OXR1: variants seen among roughly 807,000 people sequenced by gnomAD.
The protein encoded by OXR1 is oxidation resistance protein 1.
In OXR1, 41 loss-of-function variants were observed where a neutral mutation model predicts 104.6. The observed-to-expected ratio is 0.39, with a 90% CI of 0.31 to 0.51. The LOEUF (loss-of-function observed/expected upper bound fraction) is 0.51. Ranked by LOEUF, OXR1 falls within the 20% of genes least tolerant of loss-of-function variation. The pLI is 0.77. For synonymous variants in OXR1, 348 were observed against 348.4 expected (o/e 1.00, Z 0.01); for missense variants, 955 against 1,031.9 (o/e 0.93, Z 1.02).
intron 1 of OXR1, among the ~76,000 whole-genome samples, chr8:106,285,631 A>T (rs1446520033): frequency 1.3e-5 from 2 of 151,932 alleles, no homozygotes; most frequent in Non-Finnish European, 2.9e-5. Context: ...CCAGGTACTT[A>T]TTATCTAGTA....
At chr8:106,664,013 A>C (rs529807817) in intron 3 of OXR1, among the ~76,000 whole-genome samples, 3 of 152,362 alleles carry the variant, frequency 2.0e-5, no homozygotes, top group African/African-American at 7.2e-5. Context: ...CCCCAGTTTT[A>C]GTCTCTTTTC....
intron 11 of OXR1, among the ~76,000 whole-genome samples, chr8:106,736,150 C>A (rs1834346532): frequency 7.4e-6 from 1 of 134,764 alleles, no homozygotes; most frequent in Non-Finnish European, 1.5e-5. Flanking sequence ...AATGGGGAAC[C>A]CAGGTTTATC....
chr8:106,630,329 G>T (rs1302518624), intron 3 of OXR1, among the ~76,000 whole-genome samples: 1 of 152,226 alleles, frequency 6.6e-6, no homozygotes, highest in Non-Finnish European at 1.5e-5. Flanking sequence ...TCTCTGAACA[G>T]AGAAGGATTC....
intron 1 of OXR1, among the ~76,000 whole-genome samples, chr8:106,340,224 A>G (rs555455768): frequency 6.6e-6 from 1 of 151,628 alleles, no homozygotes; most frequent in South Asian, 2.1e-4. Context: ...GGAAAAGAAA[A>G]AAAAAAAAAA....
intron 2 of OXR1, among the ~76,000 whole-genome samples, chr8:106,382,681 G>GGT (rs1817197537): frequency 8.6e-6 from 1 of 116,132 alleles, no homozygotes; most frequent in South Asian, 2.8e-4. Context: ...GAGAACTATA[G>GGT]GTTTTTTTTT....
intron 3 of OXR1, among the ~76,000 whole-genome samples, chr8:106,560,955 C>T (rs1190350889): frequency 6.6e-6 from 1 of 152,122 alleles, no homozygotes; most frequent in Admixed American, 6.5e-5. Context: ...GGGACTGTGC[C>T]GTGAGGAACG....
At chr8:106,615,494 G>A (rs185392480) in intron 3 of OXR1, among the ~76,000 whole-genome samples, 2 of 151,486 alleles carry the variant, frequency 1.3e-5, no homozygotes. Flanking sequence ...CACAGCTCCA[G>A]TAAGTCCGGA....
chr8:106,678,008 G>A (rs571635916), intron 3 of OXR1, among the ~76,000 whole-genome samples: 25 of 152,204 alleles, frequency 1.6e-4, no homozygotes, highest in Admixed American at 1.4e-3. Context: ...TTACAATTTA[G>A]TGGAAGGGAT....
chr8:106,345,206 A>G (rs1351333242), intron 1 of OXR1, among the ~76,000 whole-genome samples: 1 of 152,350 alleles, frequency 6.6e-6, no homozygotes, highest in East Asian at 1.9e-4. Flanking sequence ...AATGAATGAC[A>G]TAAGAACACA....
At chr8:106,620,773 A>G (rs1425669020) in intron 3 of OXR1, among the ~76,000 whole-genome samples, 1 of 152,252 alleles carries the variant, frequency 6.6e-6, no homozygotes, top group Non-Finnish European at 1.5e-5. Context: ...AGGAAATAAT[A>G]CAAATAATTT....
chr8:106,537,464 C>G (rs1045540255), intron 3 of OXR1, among the ~76,000 whole-genome samples: 1 of 151,980 alleles, frequency 6.6e-6, no homozygotes, highest in African/African-American at 2.4e-5. Flanking sequence ...AAGCATGGCT[C>G]CAGAACAAAG....
At chr8:106,487,959 A>C (rs967070455) in intron 2 of OXR1, among the ~76,000 whole-genome samples, 2 of 150,272 alleles carry the variant, frequency 1.3e-5, no homozygotes, top group Admixed American at 1.3e-4. Flanking sequence ...GGCTGGGTCA[A>C]ATGGTATTTC....
chr8:106,412,445 T>A lies in OXR1; in HGVS notation c.23+52809T>A, dbSNP rs188515551. On this transcript the variant is annotated intron_variant, in intron 2 of 16. Transcript: ENST00000517566. ...CAATTTCTGGACTTCTTTAAAATTGTCACCATAATAACAGTGTGCCAACTT... is the reference window on the plus strand; with the variant it reads ...CAATTTCTGGACTTCTTTAAAATTGACACCATAATAACAGTGTGCCAACTT... Among the ~76,000 whole-genome samples the A allele has an allele frequency of 1.7e-3, 258 of 152,284 alleles. 1 individual carries two copies. The highest frequency in any genetic ancestry group is 4.9e-3 in the African/African-American group (205 of 41,574).
At chr8:106,356,970 C>T (rs1435998810) in intron 1 of OXR1, among the ~76,000 whole-genome samples, 1 of 152,070 alleles carries the variant, frequency 6.6e-6, no homozygotes, top group Non-Finnish European at 1.5e-5. Flanking sequence ...GGCAACTTGT[C>T]CACTAAGCCT....
chr8:106,500,901 G>A (rs535428334), intron 2 of OXR1, among the ~76,000 whole-genome samples: 1 of 152,234 alleles, frequency 6.6e-6, no homozygotes, highest in Admixed American at 6.5e-5. Flanking sequence ...TTAGTAAAAG[G>A]GTTAAGGTCA....
intron 3 of OXR1, among the ~76,000 whole-genome samples, chr8:106,551,224 G>T (rs1299484939): frequency 2.0e-5 from 3 of 152,084 alleles, no homozygotes; most frequent in Admixed American, 2.0e-4. Flanking sequence ...TCTATTTTAG[G>T]AAATAGTCAA....
Position 106,685,306 on chromosome 8 carries a change from G to A in OXR1, c.525+947G>A, listed in dbSNP as rs78195881. Among the ~76,000 whole-genome samples, 901 of 152,162 alleles carry A rather than the reference G, an allele frequency of 5.9e-3. 18 individuals are homozygous for A. Among genetic ancestry groups the A allele is most frequent in the African/African-American group, 0.021 (864 of 41,530 alleles). ...TAAGGGGCAATGACAAAGTAACTACGTAGCCTTAGGTTAATTTAGCCTGTG... is the reference window on the plus strand; with the variant it reads ...TAAGGGGCAATGACAAAGTAACTACATAGCCTTAGGTTAATTTAGCCTGTG... On this transcript the variant is annotated intron_variant, in intron 6 of 16. Coordinates refer to ENST00000517566, the MANE Select transcript of OXR1 (RefSeq NM_001198533.2).
chr8:106,377,520 G>A (rs761365837), intron 2 of OXR1, among the ~76,000 whole-genome samples: 20 of 152,188 alleles, frequency 1.3e-4, no homozygotes, highest in Middle Eastern at 3.4e-3. Flanking sequence ...TATATTTGAC[G>A]CAATCAGGGT....
chr8:106,560,920 C>CT, intron 3 of OXR1, among the ~76,000 whole-genome samples: 1 of 152,172 alleles, frequency 6.6e-6, no homozygotes, highest in East Asian at 1.9e-4. Context: ...GGGGAACTCT[C>CT]TCCCCTAGCC....
Sources: gnomAD v4.1 joint callset for allele counts (sites outside exome capture counted in the v4.1 genomes callset) on GRCh38, gnomAD v4.1.1 for gene constraint, MANE v1.5 for transcripts, NCBI Gene and HGNC (gene_info 2026-07-23, HGNC 2026-07-21) for gene names.